The following FNIP1 variants were observed in gnomAD, a reference collection of about 807,000 sequenced individuals.
FNIP1 encodes the protein folliculin-interacting protein 1.
A neutral mutation model predicts 124.5 loss-of-function variants in FNIP1; 40 were observed. The observed-to-expected ratio is 0.32, with a 90% CI of 0.25 to 0.42. FNIP1 has a LOEUF of 0.42. Among genes scored for constraint, FNIP1 ranks in the 10% least tolerant of loss-of-function variants. The pLI, the probability that FNIP1 is intolerant of heterozygous loss-of-function variation, is 1.00. For synonymous variants in FNIP1, 472 were observed against 470.6 expected (o/e 1.00, Z -0.04); for missense variants, 1,176 against 1,403.7 (o/e 0.84, Z 2.59).
intron 17 of FNIP1, among the ~76,000 whole-genome samples, chr5:131,646,770 G>A (rs971586571): frequency 2.6e-5 from 4 of 152,156 alleles, no homozygotes; most frequent in Non-Finnish European, 5.9e-5. Flanking sequence ...GGAAGGCAGG[G>A]CAGATACTTG....
At chr5:131,788,778 A>C (rs1480687676) in intron 1 of FNIP1, among the ~76,000 whole-genome samples, 2 of 151,896 alleles carry the variant, frequency 1.3e-5, no homozygotes, top group Non-Finnish European at 2.9e-5. Context: ...TTTTTTCAAT[A>C]AACCCAGTGT....
At chr5:131,763,627 T>A (rs1395610509) in intron 1 of FNIP1, among the ~76,000 whole-genome samples, 1 of 152,058 alleles carries the variant, frequency 6.6e-6, no homozygotes, top group Non-Finnish European at 1.5e-5. Context: ...TCCACCCCCA[T>A]GATCTAATCA....
rs114080330 is a variant in FNIP1, at chr5:131,743,328, C to G, written c.219+1236G>C. Reference sequence around the variant, plus strand: ...GAAGAGTAGGTTTATAGGCAAATTTCAGAAAGTTGAGTAATAACTGGATAG... The same window carrying G: ...GAAGAGTAGGTTTATAGGCAAATTTGAGAAAGTTGAGTAATAACTGGATAG... On this transcript the variant is annotated intron_variant, in intron 2 of 17. Coordinates refer to ENST00000510461, the MANE Select transcript of FNIP1 (RefSeq NM_133372.3). Among the ~76,000 whole-genome samples, 711 of 151,574 alleles carry G rather than the reference C, an allele frequency of 4.7e-3. 8 individuals carry two copies. Among genetic ancestry groups the G allele is most frequent in the African/African-American group, 0.016 (676 of 41,290 alleles).
Position 131,719,435 on chromosome 5 carries a change from A to T in FNIP1, c.355-18T>A. ...CGAGAACCCTAAACAATAACCACAT[A>T]TTAACAAACTGTGTTAATTAAAAGC... On this transcript the variant is annotated intron_variant, in intron 3 of 17. Transcript: ENST00000510461. 3 of 1,572,204 alleles carry T rather than the reference A, an allele frequency of 1.9e-6. No individual in the cohort carries two copies. In the South Asian group the frequency reaches 3.5e-5, roughly 18 times the overall value.
chr5:131,788,967 C>T (rs1772309733), intron 1 of FNIP1, among the ~76,000 whole-genome samples: 1 of 152,144 alleles, frequency 6.6e-6, no homozygotes, highest in South Asian at 2.1e-4. Flanking sequence ...TCTGCACACT[C>T]ATATTTACGG....
chr5:131,688,055 G>T (rs1332879215), intron 11 of FNIP1, among the ~76,000 whole-genome samples: 1 of 151,914 alleles, frequency 6.6e-6, no homozygotes, highest in South Asian at 2.1e-4. Flanking sequence ...AGGGAGAGGG[G>T]ATGGCTAAGA....
chr5:131,730,435 T>C (rs1026424149), intron 3 of FNIP1, among the ~76,000 whole-genome samples: 8 of 152,246 alleles, frequency 5.3e-5, no homozygotes, highest in South Asian at 4.1e-4. Flanking sequence ...ACTGATCTTA[T>C]ATAAAATGTA....
At chr5:131,734,280 C>T (rs1391610277) in intron 2 of FNIP1, among the ~76,000 whole-genome samples, 4 of 152,114 alleles carry the variant, frequency 2.6e-5, no homozygotes, top group African/African-American at 9.7e-5. Context: ...AAACCAGCTC[C>T]TGGATTCATG....
intron 1 of FNIP1, among the ~76,000 whole-genome samples, chr5:131,749,925 A>G (rs1770812962): frequency 6.6e-6 from 1 of 152,112 alleles, no homozygotes. Context: ...TAACAACAAA[A>G]TTGCCTAACA....
intron 6 of FNIP1, among the ~76,000 whole-genome samples, chr5:131,716,243 A>G (rs898010160): frequency 1.3e-5 from 2 of 152,216 alleles, no homozygotes; most frequent in Non-Finnish European, 2.9e-5. Context: ...AAATAGCCAA[A>G]AGAACTACTA....
chr5:131,739,005 G>A (rs1226170523), intron 2 of FNIP1, among the ~76,000 whole-genome samples: 1 of 151,840 alleles, frequency 6.6e-6, no homozygotes, highest in African/African-American at 2.4e-5. Context: ...CTGTAGAGAC[G>A]GGGTCTTCCT....
chr5:131,736,432 G>A (rs576240555), intron 2 of FNIP1, among the ~76,000 whole-genome samples: 9 of 152,198 alleles, frequency 5.9e-5, no homozygotes, highest in African/African-American at 1.4e-4. Context: ...CCACTATCAC[G>A]AACCACCATT....
chr5:131,776,009 C>G (rs1171205036), intron 1 of FNIP1, among the ~76,000 whole-genome samples: 1 of 152,198 alleles, frequency 6.6e-6, no homozygotes, highest in Non-Finnish European at 1.5e-5. Context: ...CCTTCTGGTA[C>G]TTAAATGACT....
At chr5:131,734,418 C>G (rs1465093537) in intron 2 of FNIP1, among the ~76,000 whole-genome samples, 2 of 151,876 alleles carry the variant, frequency 1.3e-5, no homozygotes, top group Non-Finnish European at 2.9e-5. Flanking sequence ...ATCATGTCTA[C>G]ATCACCAAAA....
intron 1 of FNIP1, among the ~76,000 whole-genome samples, chr5:131,785,155 G>GATATATATATAGTC (rs1247016045): frequency 1.3e-5 from 1 of 79,452 alleles, no homozygotes; most frequent in Non-Finnish European, 2.7e-5. Context: ...TCATATATAT[G>GATATATATATAGTC]ATATATATGA....
intron 1 of FNIP1, among the ~76,000 whole-genome samples, chr5:131,787,449 G>T (rs532714373): frequency 3.3e-5 from 5 of 152,280 alleles, no homozygotes; most frequent in Admixed American, 1.3e-4. Flanking sequence ...CTGGGGCATG[G>T]ATCTGAACTC....
intron 3 of FNIP1, among the ~76,000 whole-genome samples, chr5:131,725,285 T>C (rs936140614): frequency 1.3e-5 from 2 of 152,208 alleles, no homozygotes; most frequent in Admixed American, 1.3e-4. Flanking sequence ...TATAAATTAC[T>C]ATAGGCATGA....
At position 131,766,041 on chromosome 5, in the gene FNIP1, C is replaced by T. The variant is rs78639968; in HGVS notation, c.93-21351G>A. ...GATTCCAACTAGTAAATTTCAGAAA[C>T]CTAATCTTTTTCTAAGTCTGCAGAT... is the stretch of plus-strand genomic sequence containing the variant. On this transcript the variant is annotated intron_variant, in intron 1 of 17. Transcript: ENST00000510461. Among the ~76,000 whole-genome samples, 252 of 152,208 alleles carry T rather than the reference C, an allele frequency of 1.7e-3. 1 individual carries two copies. The highest frequency in any genetic ancestry group is 5.6e-3 in the African/African-American group (231 of 41,544).
intron 11 of FNIP1, among the ~76,000 whole-genome samples, chr5:131,697,231 A>G (rs542307684): frequency 6.6e-6 from 1 of 152,274 alleles, no homozygotes; most frequent in Admixed American, 6.5e-5. Context: ...TACATAGACT[A>G]CTGGTAATAA....
Sources: gnomAD v4.1 joint callset for allele counts (sites outside exome capture counted in the v4.1 genomes callset) on GRCh38, gnomAD v4.1.1 for gene constraint, MANE v1.5 for transcripts, NCBI Gene and HGNC (gene_info 2026-07-23, HGNC 2026-07-21) for gene names.